SLC49A4: variants seen among roughly 807,000 people sequenced by gnomAD.
The protein encoded by SLC49A4 is disrupted in renal cancer protein 2.
Under a neutral mutation model 50.6 loss-of-function variants are expected in SLC49A4, and 36 were observed. That is an observed-to-expected ratio of 0.71 (90% CI 0.55 to 0.94). The LOEUF is 0.94. Among genes scored for constraint, SLC49A4 ranks in the 40% least tolerant of loss-of-function variants. The pLI is 0.00. For missense variants in SLC49A4, 503 were observed against 605.7 expected (o/e 0.83, Z 1.78); for synonymous variants, 248 against 241.2 (o/e 1.03, Z -0.26).
chr3:122,827,139 A>G, intron 3 of SLC49A4, 74 bp downstream of exon 3: 1 of 1,483,282 alleles, frequency 6.7e-7, no homozygotes, highest in Non-Finnish European at 9.1e-7. Flanking sequence ...CTTTTTGTAT[A>G]ACAGATACCT....
chr3:122,803,989 T>A (rs1282058089), intron 1 of SLC49A4, among the ~76,000 whole-genome samples: 1 of 152,224 alleles, frequency 6.6e-6, no homozygotes, highest in Non-Finnish European at 1.5e-5. Context: ...CCTATATGTC[T>A]CAGAAGCCAA....
At chr3:122,807,444 AT>A (rs1936239013) in intron 2 of SLC49A4, among the ~76,000 whole-genome samples, 1 of 152,190 alleles carries the variant, frequency 6.6e-6, no homozygotes, top group South Asian at 2.1e-4. Flanking sequence ...GCAGGTAAGC[AT>A]AGGCCTTTTC....
intron 7 of SLC49A4, among the ~76,000 whole-genome samples, chr3:122,871,726 A>G (rs530517938): frequency 4.2e-4 from 64 of 152,234 alleles, no homozygotes; most frequent in African/African-American, 1.5e-3. Flanking sequence ...ATTGTAGTAT[A>G]TTTCCCCAGA....
chr3:122,846,244 T>C (rs1292343642), intron 5 of SLC49A4, among the ~76,000 whole-genome samples: 2 of 152,194 alleles, frequency 1.3e-5, no homozygotes, highest in African/African-American at 4.8e-5. Context: ...CTCTCTGGGC[T>C]CCAAATAAGG....
chr3:122,856,184 C>A, intron 5 of SLC49A4, 123 bp from the exon 6 acceptor site: 2 of 809,742 alleles, frequency 2.5e-6, no homozygotes, highest in Non-Finnish European at 4.0e-6. Flanking sequence ...ATTAGTTACA[C>A]ATGAATTCTT....
chr3:122,820,945 A>G (rs913903899), intron 2 of SLC49A4, among the ~76,000 whole-genome samples: 2 of 152,214 alleles, frequency 1.3e-5, no homozygotes, highest in Non-Finnish European at 2.9e-5. Flanking sequence ...CTTGAACTGT[A>G]GTTCCCATAA....
intron 7 of SLC49A4, among the ~76,000 whole-genome samples, chr3:122,870,877 A>G (rs954949608): frequency 2.4e-4 from 36 of 151,582 alleles, no homozygotes; most frequent in Non-Finnish European, 3.7e-4. Context: ...TAGAAATACA[A>G]TACTCTATAG....
At chr3:122,829,567 A>G (rs1487421700) in intron 3 of SLC49A4, among the ~76,000 whole-genome samples, 1 of 152,214 alleles carries the variant, frequency 6.6e-6, no homozygotes, top group East Asian at 1.9e-4. Context: ...AGCCTGGCCA[A>G]CATAGCAAAA....
chr3:122,872,536 CA>C lies in SLC49A4; in HGVS notation c.1261del (p.Thr421LeufsTer3), dbSNP rs774747489. On this transcript the variant is annotated frameshift_variant, in exon 8 of 9. Transcript: ENST00000261038. LOFTEE classifies it high-confidence loss of function. ...CAGAAGGAATTACTTGTGGAGTTGT[CA>C]CTTTTTTAAGTAATATGTTTATGGG... ...VPEGITCGVV[T>X]FLSNMFMGVL... The C allele has an allele frequency of 6.2e-7, 1 of 1,610,754 alleles. No individual in the cohort carries two copies.
chr3:122,851,139 A>G (rs1256570351), intron 5 of SLC49A4, among the ~76,000 whole-genome samples: 4 of 152,182 alleles, frequency 2.6e-5, no homozygotes, highest in African/African-American at 7.2e-5. Flanking sequence ...TATTACTGTC[A>G]TATATTTTAA....
chr3:122,828,567 A>G (rs370500733), intron 3 of SLC49A4, among the ~76,000 whole-genome samples: 15 of 152,294 alleles, frequency 9.8e-5, no homozygotes, highest in African/African-American at 3.4e-4. Context: ...GCCCCACGCA[A>G]ACCTTCTAAG....
chr3:122,803,393 G>A (rs1936162012), intron 1 of SLC49A4, among the ~76,000 whole-genome samples: 1 of 152,188 alleles, frequency 6.6e-6, no homozygotes, highest in Non-Finnish European at 1.5e-5. Flanking sequence ...TGGAGTTGAG[G>A]AGGTAGGAAG....
chr3:122,812,869 T>C (rs1276926460), intron 2 of SLC49A4, among the ~76,000 whole-genome samples: 1 of 152,178 alleles, frequency 6.6e-6, no homozygotes. Flanking sequence ...CTCATGACTA[T>C]GTCTGCATAG....
chr3:122,806,356 T>G (rs1936217241), intron 1 of SLC49A4, among the ~76,000 whole-genome samples: 1 of 152,144 alleles, frequency 6.6e-6, no homozygotes, highest in Admixed American at 6.5e-5. Flanking sequence ...CTATTTTCCA[T>G]TAAAGTTAGA....
intron 2 of SLC49A4, among the ~76,000 whole-genome samples, chr3:122,809,613 T>C (rs1474666852): frequency 6.6e-6 from 1 of 152,184 alleles, no homozygotes; most frequent in African/African-American, 2.4e-5. Context: ...CCATCCATAC[T>C]ATTACTTGCC....
At chr3:122,856,395 T>C (rs1936990081) in intron 6 of SLC49A4, 21 bp downstream of exon 6, 1 of 1,609,808 alleles carries the variant, frequency 6.2e-7, no homozygotes. Flanking sequence ...TTTGTTAAAC[T>C]TGTGAGTGGA....
chr3:122,824,730 C>CTTTTTTT (rs71621693), intron 2 of SLC49A4, among the ~76,000 whole-genome samples: 6 of 82,914 alleles, frequency 7.2e-5, no homozygotes, highest in East Asian at 3.5e-4. Flanking sequence ...TTTTTTCCTT[C>CTTTTTTT]TTTTTTTTTT....
At chr3:122,820,167 T>A (rs1372579072) in intron 2 of SLC49A4, among the ~76,000 whole-genome samples, 2 of 152,172 alleles carry the variant, frequency 1.3e-5, no homozygotes, top group African/African-American at 4.8e-5. Flanking sequence ...TGGATTTTCT[T>A]AACAATCAGT....
At position 122,865,584 on chromosome 3, in the gene SLC49A4, A is replaced by G. The variant is rs531992854; in HGVS notation, c.1138+5382A>G. ...ATTCTATGTATTCAGCACACTCAAAACCTATGAAAAAACTATATAGTTAGC... is the reference window on the plus strand; with the variant it reads ...ATTCTATGTATTCAGCACACTCAAAGCCTATGAAAAAACTATATAGTTAGC... On this transcript the variant is annotated intron_variant, in intron 7 of 8. Transcript: ENST00000261038. 7.2e-5 allele frequency among the ~76,000 whole-genome samples: 11 copies of G among 152,290 alleles called. No individual in the cohort carries two copies. The East Asian group carries it at 2.1e-3, about 29-fold the overall frequency.
Sources: allele counts gnomAD v4.1 joint callset (sites outside exome capture counted in the v4.1 genomes callset), GRCh38; gene constraint gnomAD v4.1.1; transcripts MANE v1.5; gene names NCBI Gene and HGNC (gene_info 2026-07-23, HGNC 2026-07-21).